TIAM1: variants seen among roughly 807,000 people sequenced by gnomAD.
The protein encoded by TIAM1 is TIAM Rac1 associated GEF 1.
A neutral mutation model predicts 163.5 loss-of-function variants in TIAM1; 65 were observed. The observed-to-expected ratio is 0.40, with a 90% CI of 0.33 to 0.49. The LOEUF (loss-of-function observed/expected upper bound fraction) is 0.49. TIAM1 is among the 20% of genes least tolerant of loss of function. TIAM1 has a pLI of 0.77. For synonymous variants in TIAM1, 833 were observed against 810.1 expected, an observed-to-expected ratio of 1.03 and a Z score of -0.48; for missense variants, 1,789 against 2,044.7, an observed-to-expected ratio of 0.87 and a Z score of 2.41.
At chr21:31,410,339 C>A (rs202151656) in intron 2 of TIAM1, among the ~76,000 whole-genome samples, 5 of 149,634 alleles carry the variant, frequency 3.3e-5, no homozygotes, top group Non-Finnish European at 7.4e-5. Context: ...TAGGAGACTG[C>A]GAGTGTGTGT....
intron 2 of TIAM1, among the ~76,000 whole-genome samples, chr21:31,335,146 C>A (rs1381976230): frequency 6.6e-6 from 1 of 152,166 alleles, no homozygotes; most frequent in Non-Finnish European, 1.5e-5. Context: ...CTCTGTCTAA[C>A]CAGAGAGGTT....
chr21:31,491,202 C>A (rs1386589228), intron 1 of TIAM1, among the ~76,000 whole-genome samples: 4 of 152,118 alleles, frequency 2.6e-5, no homozygotes, highest in African/African-American at 4.8e-5. Context: ...AAGCAAAGAA[C>A]CTGAGGACAG....
intron 2 of TIAM1, among the ~76,000 whole-genome samples, chr21:31,302,333 C>G (rs1195539113): frequency 1.3e-5 from 2 of 152,166 alleles, no homozygotes; most frequent in Non-Finnish European, 2.9e-5. Flanking sequence ...ACATTTCAAC[C>G]TTGAATGTTT....
intron 15 of TIAM1, among the ~76,000 whole-genome samples, chr21:31,168,225 T>C (rs1021746743): frequency 1.3e-5 from 2 of 151,756 alleles, no homozygotes; most frequent in Non-Finnish European, 2.9e-5. Flanking sequence ...CCTGAGTAGC[T>C]GGGATTACAG....
At chr21:31,484,080 G>A (rs914376259) in intron 1 of TIAM1, among the ~76,000 whole-genome samples, 4 of 152,118 alleles carry the variant, frequency 2.6e-5, no homozygotes, top group African/African-American at 9.7e-5. Flanking sequence ...CTTCTACCAG[G>A]TGAGGACACG....
chr21:31,453,256 A>G (rs2044943074), intron 2 of TIAM1: 1 of 238,472 alleles, frequency 4.2e-6, no homozygotes. Flanking sequence ...GCTGCTTTCT[A>G]GTGGTAGAGG....
intron 6 of TIAM1, among the ~76,000 whole-genome samples, chr21:31,242,285 T>C (rs184866868): frequency 6.6e-6 from 1 of 151,804 alleles, no homozygotes; most frequent in Admixed American, 6.6e-5. Context: ...TTTAGGAGGC[T>C]GAGGCAGGAA....
intron 2 of TIAM1, among the ~76,000 whole-genome samples, chr21:31,382,245 A>G (rs533651): frequency 0.16 from 24,563 of 152,240 alleles, 2,075 homozygotes; most frequent in Non-Finnish European, 0.17. Flanking sequence ...AACGCTTATC[A>G]GCGCACTGTA....
At chr21:31,215,778 T>C (rs1330117852) in intron 9 of TIAM1, among the ~76,000 whole-genome samples, 1 of 152,122 alleles carries the variant, frequency 6.6e-6, no homozygotes, top group Non-Finnish European at 1.5e-5. Flanking sequence ...CAAGACAAAC[T>C]GCGAAACTGC....
At chr21:31,173,519 A>AGC (rs1204082216) in intron 15 of TIAM1, among the ~76,000 whole-genome samples, 10 of 137,978 alleles carry the variant, frequency 7.2e-5, no homozygotes, top group African/African-American at 3.2e-4. Flanking sequence ...AGAAAGAAAG[A>AGC]GAGAGCGAGA....
intron 1 of TIAM1, among the ~76,000 whole-genome samples, chr21:31,464,567 G>A (rs1321042050): frequency 6.6e-6 from 1 of 152,002 alleles, no homozygotes; most frequent in Non-Finnish European, 1.5e-5. Flanking sequence ...TACAGGCCGG[G>A]TGCGGTGGCT....
chr21:31,443,394 C>A (rs12482993), intron 2 of TIAM1, among the ~76,000 whole-genome samples: 170 of 152,296 alleles, frequency 1.1e-3, no homozygotes, highest in Middle Eastern at 3.4e-3. Context: ...CTATGGACCA[C>A]GCTGCTGTAT....
At position 31,333,491 on chromosome 21, in the gene TIAM1, G is replaced by A. The variant is rs554798501; in HGVS notation, c.-189+5752C>T. ...CTGGCTCCGTCTCCCAGGCCGGAGT[G>A]CAGTGGCGCAAACATGGCTCACTGC... On this transcript the variant is annotated intron_variant, in intron 2 of 27. Coordinates refer to ENST00000541036, the MANE Select transcript of TIAM1 (RefSeq NM_001353694.2). Among the ~76,000 whole-genome samples, 12 of 152,220 alleles carry A rather than the reference G, an allele frequency of 7.9e-5. No homozygotes were observed. The South Asian group carries it at 2.3e-3, about 29-fold the overall frequency.
At chr21:31,338,259 C>G (rs2075908806) in intron 2 of TIAM1, among the ~76,000 whole-genome samples, 1 of 152,180 alleles carries the variant, frequency 6.6e-6, no homozygotes, top group African/African-American at 2.4e-5. Context: ...GTGGGAAACT[C>G]TAAAAGTTAC....
At chr21:31,202,017 G>A (rs1005379471) in intron 12 of TIAM1, among the ~76,000 whole-genome samples, 15 of 151,694 alleles carry the variant, frequency 9.9e-5, no homozygotes, top group Admixed American at 8.5e-4. Context: ...AGTTCCATAT[G>A]ATTAGTAAGC....
At chr21:31,553,940 C>T (rs983813807) in intron 1 of TIAM1, among the ~76,000 whole-genome samples, 2 of 152,090 alleles carry the variant, frequency 1.3e-5, no homozygotes, top group Non-Finnish European at 2.9e-5. Flanking sequence ...CCAGATGACG[C>T]GGTGGCTTTC....
chr21:31,459,701 G>A (rs560387961), intron 2 of TIAM1, among the ~76,000 whole-genome samples: 3 of 152,176 alleles, frequency 2.0e-5, no homozygotes, highest in Non-Finnish European at 4.4e-5. Flanking sequence ...TTACCATCAG[G>A]GGGTGGTGAA....
At chr21:31,177,314 G>T (rs1455012459) in intron 15 of TIAM1, among the ~76,000 whole-genome samples, 1 of 152,090 alleles carries the variant, frequency 6.6e-6, no homozygotes, top group Non-Finnish European at 1.5e-5. Flanking sequence ...CATAGAAATG[G>T]ACTGATTTCT....
chr21:31,260,704 A>AG (rs1050490518), intron 4 of TIAM1, among the ~76,000 whole-genome samples: 8 of 151,652 alleles, frequency 5.3e-5, no homozygotes, highest in East Asian at 1.9e-4. Flanking sequence ...AGAAAAGAAA[A>AG]AAAAAAAAGC....
Sources: allele counts gnomAD v4.1 joint callset (sites outside exome capture counted in the v4.1 genomes callset), GRCh38; gene constraint gnomAD v4.1.1; transcripts MANE v1.5; gene names NCBI Gene and HGNC (gene_info 2026-07-23, HGNC 2026-07-21).